Variants in CPM observed in about 807,000 individuals in gnomAD.
The protein encoded by CPM is carboxypeptidase M, also known as renal carboxypeptidase.
CPM carries 35 observed loss-of-function variants against 46.4 expected under a neutral mutation model. The observed-to-expected ratio is 0.75, with a 90% confidence interval of 0.58 to 1.00. The LOEUF is 1.00. Ranked by LOEUF, CPM falls within the 50% of genes least tolerant of loss-of-function variation. The pLI, the probability that CPM is intolerant of heterozygous loss-of-function variation, is 0.00. For missense variants in CPM, 422 were observed against 530.4 expected (o/e 0.80, Z 2.01); for synonymous variants, 195 against 195.3 (o/e 1.00, Z 0.01).
chr12:68,843,634 G>T (rs976127208), intron 5 of CPM: 1 of 225,284 alleles, frequency 4.4e-6, no homozygotes, highest in African/African-American at 2.2e-5. Context: ...TGAACTGTAA[G>T]CTTAGAATAG....
At chr12:68,898,010 A>G (rs1886953579) in intron 2 of CPM, among the ~76,000 whole-genome samples, 1 of 149,910 alleles carries the variant, frequency 6.7e-6, no homozygotes, top group Non-Finnish European at 1.5e-5. Context: ...CGCCTGGCTA[A>G]TTTGTGTATT....
chr12:68,949,356 G>A (rs571651690), intron 1 of CPM, among the ~76,000 whole-genome samples: 1 of 152,272 alleles, frequency 6.6e-6, no homozygotes, highest in East Asian at 1.9e-4. Flanking sequence ...AAGCAACGGA[G>A]CAAAACCCTG....
At chr12:68,873,001 A>T (rs185778080) in intron 3 of CPM, among the ~76,000 whole-genome samples, 1 of 152,216 alleles carries the variant, frequency 6.6e-6, no homozygotes, top group Non-Finnish European at 1.5e-5. Flanking sequence ...TCTTATTTAA[A>T]AAAAGTAATT....
intron 2 of CPM, among the ~76,000 whole-genome samples, chr12:68,916,314 T>A (rs886929330): frequency 3.3e-5 from 5 of 152,196 alleles, no homozygotes; most frequent in African/African-American, 1.2e-4. Flanking sequence ...TTCTGTGTGA[T>A]CTGTGCTCTG....
At position 68,903,539 on chromosome 12, in the gene CPM, A is replaced by C. The variant is rs753167084; in HGVS notation, c.161-17650T>G. 2.0e-4 allele frequency among the ~76,000 whole-genome samples: 30 copies of C among 152,248 alleles called. 1 individual carries two copies. The highest frequency in any genetic ancestry group is 3.7e-4 in the Non-Finnish European group (25 of 68,046). On this transcript the variant is annotated intron_variant, in intron 2 of 8. Coordinates refer to ENST00000551568, the MANE Select transcript of CPM (RefSeq NM_198320.5). ...CTCCTACCTTAAAATGTAAGTTGAG[A>C]AATGCCCATTTCAGAAGCAGCATGA... is the stretch of plus-strand genomic sequence containing the variant.
chr12:68,892,080 C>T (rs906997342), intron 2 of CPM, among the ~76,000 whole-genome samples: 1 of 152,168 alleles, frequency 6.6e-6, no homozygotes, highest in Non-Finnish European at 1.5e-5. Flanking sequence ...TTCCCAGTCA[C>T]CTGAAAGCTT....
At chr12:68,893,385 C>T (rs961539760) in intron 2 of CPM, among the ~76,000 whole-genome samples, 9 of 152,170 alleles carry the variant, frequency 5.9e-5, no homozygotes, top group Non-Finnish European at 1.0e-4. Context: ...TGCCCTCTAG[C>T]CTGCCCCAGG....
intron 2 of CPM, among the ~76,000 whole-genome samples, chr12:68,900,981 T>C (rs1044687888): frequency 1.3e-5 from 2 of 152,196 alleles, no homozygotes; most frequent in African/African-American, 2.4e-5. Context: ...TCAGTGTAGG[T>C]TTATTAGTTG....
intron 2 of CPM, among the ~76,000 whole-genome samples, chr12:68,909,589 A>C (rs1887493478): frequency 6.6e-6 from 1 of 152,116 alleles, no homozygotes; most frequent in South Asian, 2.1e-4. Flanking sequence ...ACCAACCCAA[A>C]TGTCCATCAA....
At chr12:68,921,155 G>T (rs2454398) in intron 2 of CPM, among the ~76,000 whole-genome samples, 81,918 of 147,954 alleles carry the variant, frequency 0.55, 22,792 homozygotes, top group Non-Finnish European at 0.6. Context: ...TTTTTTTTGA[G>T]ACAGAGTCTT....
chr12:68,886,611 G>A (rs944398131), intron 2 of CPM, among the ~76,000 whole-genome samples: 2 of 152,168 alleles, frequency 1.3e-5, no homozygotes, highest in South Asian at 2.1e-4. Flanking sequence ...CAGCCCTGGC[G>A]ACAGAGCGAG....
chr12:68,845,624 A>G lies in CPM; in HGVS notation c.534-3295T>C, dbSNP rs553289455. ...AGCTCTCCTTTAAAGACTTTAAAAA[A>G]AATTCGATAGGCATTTTCATGTTTC... is the stretch of plus-strand genomic sequence containing the variant. On this transcript the variant is annotated intron_variant, in intron 5 of 5. Transcript: ENST00000551897. The G allele has an allele frequency of 3.2e-3, 569 of 177,634 alleles. 2 individuals carry two copies. The highest frequency in any genetic ancestry group is 4.8e-3 in the Non-Finnish European group (399 of 82,638). The allele number at this position is 177,634 out of a possible 1,614,324, so 11.0% of individuals were successfully genotyped here.
intron 2 of CPM, among the ~76,000 whole-genome samples, chr12:68,892,288 T>C (rs1416925148): frequency 6.6e-6 from 1 of 152,228 alleles, no homozygotes; most frequent in Non-Finnish European, 1.5e-5. Flanking sequence ...TTGTTGAGGT[T>C]ATTGTCTGTC....
intron 1 of CPM, among the ~76,000 whole-genome samples, chr12:68,939,115 A>G (rs1409624133): frequency 6.9e-6 from 1 of 145,964 alleles, no homozygotes; most frequent in African/African-American, 2.5e-5. Flanking sequence ...CATTTACTAC[A>G]TACATATATG....
intron 1 of CPM, among the ~76,000 whole-genome samples, chr12:68,939,859 T>A (rs1152939): frequency 6.6e-6 from 1 of 151,902 alleles, no homozygotes; most frequent in Non-Finnish European, 1.5e-5. Flanking sequence ...TAGATAAAAA[T>A]GAAATCTCAT....
intron 1 of CPM, among the ~76,000 whole-genome samples, chr12:68,954,659 C>T (rs770326102): frequency 6.6e-6 from 1 of 152,134 alleles, no homozygotes; most frequent in Non-Finnish European, 1.5e-5. Context: ...CTCTGTGCCC[C>T]AGATTGACAT....
intron 6 of CPM, among the ~76,000 whole-genome samples, chr12:68,867,693 A>T (rs568811861): frequency 6.6e-6 from 1 of 152,294 alleles, no homozygotes; most frequent in South Asian, 2.1e-4. Flanking sequence ...GGCTTCCCCA[A>T]TATGCCAGAG....
chr12:68,956,225 C>A (rs550198729), intron 1 of CPM, among the ~76,000 whole-genome samples: 1 of 152,204 alleles, frequency 6.6e-6, no homozygotes, highest in South Asian at 2.1e-4. Context: ...GCTCCAAAAT[C>A]GGAGCAGGTG....
intron 1 of CPM, among the ~76,000 whole-genome samples, chr12:68,944,922 T>A (rs1437574955): frequency 6.6e-6 from 1 of 152,056 alleles, no homozygotes; most frequent in Non-Finnish European, 1.5e-5. Flanking sequence ...GAGCTGAGTC[T>A]GCCTCTGGGT....
Sources: allele counts gnomAD v4.1 joint callset (sites outside exome capture counted in the v4.1 genomes callset), GRCh38; gene constraint gnomAD v4.1.1; transcripts MANE v1.5; gene names NCBI Gene and HGNC (gene_info 2026-07-23, HGNC 2026-07-21).